Variants in USP33 observed in about 807,000 individuals in gnomAD.
USP33 encodes the protein ubiquitin carboxyl-terminal hydrolase 33.
A neutral mutation model predicts 124.2 loss-of-function variants in USP33; 46 were observed. That is an observed-to-expected ratio of 0.37 (90% CI 0.29 to 0.47). The LOEUF is 0.47. Among genes scored for constraint, USP33 ranks in the 20% least tolerant of loss-of-function variants. USP33 has a pLI of 0.99. For missense variants in USP33, 851 were observed against 1,070.6 expected (o/e 0.79, Z 2.86); for synonymous variants, 350 against 352.3 (o/e 0.99, Z 0.07).
intron 21 of USP33, among the ~76,000 whole-genome samples, chr1:77,705,217 C>T (rs1251204439): frequency 6.7e-6 from 1 of 148,356 alleles, no homozygotes; most frequent in African/African-American, 2.5e-5. Context: ...TTTTTTGAGA[C>T]AGAATCTCAC....
intron 19 of USP33, among the ~76,000 whole-genome samples, chr1:77,713,904 T>C (rs1219164377): frequency 6.6e-6 from 1 of 152,232 alleles, no homozygotes; most frequent in African/African-American, 2.4e-5. Flanking sequence ...TAAAGCATTT[T>C]TGGTGATTGT....
At chr1:77,758,435 G>A (rs1397070187) in intron 1 of USP33, among the ~76,000 whole-genome samples, 2 of 151,988 alleles carry the variant, frequency 1.3e-5, no homozygotes, top group African/African-American at 4.8e-5. Context: ...CGGCCTCCCA[G>A]AGTGCTGGGA....
At chr1:77,743,815 T>C (rs368477469) in intron 1 of USP33, among the ~76,000 whole-genome samples, 3 of 152,102 alleles carry the variant, frequency 2.0e-5, no homozygotes, top group South Asian at 2.1e-4. Context: ...AATCTAAAGG[T>C]TACTTTGGTT....
chr1:77,741,825 T>C (rs1242740936), intron 1 of USP33, 77 bp from the exon 2 acceptor site: 5 of 1,299,388 alleles, frequency 3.8e-6, no homozygotes, highest in Non-Finnish European at 5.2e-6. Context: ...AATAAAAAAA[T>C]TAAAATGTTA....
In USP33 at chr1:77,728,559, C is replaced by T. The variant is rs1335107766; in HGVS notation, c.871G>A (p.Glu291Lys). The change falls in exon 10 of 24, where the codon GAA becomes AAA. Residue 291 changes from glutamate (E) to lysine (K), a missense_variant. Physicochemically the swap from Glu to Lys is moderately conservative, Grantham distance 56. Transcript: ENST00000370794. ...SQSDVDFQSC[E>K]SCSNSDRAEN... ...GCTCTATCACTGTTGCTACAAGATT[C>T]ACAAGACTGAAAATCTACATCCGAC... 1.2e-6 allele frequency: 2 copies of T among 1,614,138 alleles called. No homozygotes were observed. The highest frequency in any genetic ancestry group is 1.7e-6 in the Non-Finnish European group (2 of 1,180,028).
intron 1 of USP33, among the ~76,000 whole-genome samples, chr1:77,743,856 C>T (rs916711493): frequency 6.6e-6 from 1 of 152,102 alleles, no homozygotes; most frequent in East Asian, 1.9e-4. Flanking sequence ...AAGGGCTGGG[C>T]GCAGTGGCTC....
chr1:77,736,184 C>A (rs746622974), intron 5 of USP33, 26 bp from the exon 6 acceptor site: 26 of 1,493,532 alleles, frequency 1.7e-5, no homozygotes, highest in African/African-American at 2.8e-5. Flanking sequence ...AGATAGCACA[C>A]TTGAACAAAT....
intron 1 of USP33, among the ~76,000 whole-genome samples, chr1:77,743,315 T>A (rs562343741): frequency 8.5e-5 from 13 of 152,284 alleles, no homozygotes; most frequent in Admixed American, 5.2e-4. Context: ...ACATTTTTTT[T>A]ATTATACTTT....
At chr1:77,736,454 C>A (rs931807081) in intron 5 of USP33, among the ~76,000 whole-genome samples, 4 of 152,114 alleles carry the variant, frequency 2.6e-5, no homozygotes, top group African/African-American at 7.2e-5. Context: ...AATTATGTGA[C>A]AGTAAACCAT....
At chr1:77,724,615 C>T (rs1676952084) in intron 11 of USP33, among the ~76,000 whole-genome samples, 2 of 152,176 alleles carry the variant, frequency 1.3e-5, no homozygotes, top group African/African-American at 4.8e-5. Flanking sequence ...AGTAACCCCA[C>T]TTCTAGGTAT....
In USP33 at chr1:77,697,783, C is replaced by G. The variant is rs1208898271; in HGVS notation, c.2578+80G>C. ...CATTCTTCAGTTGAATAAAAAAGTA[C>G]TATAGATGACTAATGATAACATATT... On this transcript the variant is annotated intron_variant, in intron 23 of 23. Transcript: ENST00000370794. 4 of 1,337,638 alleles carry G rather than the reference C, an allele frequency of 3.0e-6. No individual in the cohort carries two copies. The African/African-American group carries it at 5.9e-5, about 20-fold the overall frequency. 82.9% of individuals were successfully genotyped at this position (1,337,638 alleles called of 1,614,324 possible).
rs758146494 is a variant in USP33 at position 77,721,862 on chromosome 1, A to C, written c.1626T>G (p.Leu542=). 3.0e-5 allele frequency: 49 copies of C among 1,609,892 alleles called. No homozygotes were observed. ...GTTCATCTCTGGCAAAGAAGGCAGC[A>C]AGACAATCTTGCAAGGTTACTACTG... is the stretch of plus-strand genomic sequence containing the variant. ...WGPVVTLQDC[L]AAFFARDELK... The change falls in exon 14 of 24, where the codon CTT becomes CTG. Residue 542 remains leucine (L), a synonymous_variant. Coordinates refer to ENST00000370794, the MANE Select transcript of USP33 (RefSeq NM_201624.3).
rs769759599 is a variant in USP33 at position 77,722,233 on chromosome 1, T to C, written c.1390-37A>G. On this transcript the variant is annotated intron_variant, in intron 12 of 23. Transcript: ENST00000370794. ...TTGTGTTTTAAAAATGGGATGAACA[T>C]AATGCAGTAAAACATTTCCAAGGTT... 38 of 1,543,856 alleles carry C rather than the reference T, an allele frequency of 2.5e-5. No homozygotes were observed. In the Middle Eastern group the frequency reaches 5.2e-4, roughly 21 times the overall value.
At chr1:77,718,247 A>G (rs1676147500) in intron 16 of USP33, among the ~76,000 whole-genome samples, 200 bp from the exon 17 acceptor site, 1 of 152,198 alleles carries the variant, frequency 6.6e-6, no homozygotes, top group East Asian at 1.9e-4. Context: ...CTGAAGTGTC[A>G]AGGTTAAGTA....
intron 1 of USP33, among the ~76,000 whole-genome samples, chr1:77,744,601 C>T (rs142224933): frequency 7.4e-4 from 112 of 152,196 alleles, no homozygotes; most frequent in Admixed American, 1.4e-3. Flanking sequence ...CCCAGCACTT[C>T]GGGAGGCCAA....
At chr1:77,715,221 T>G (rs888016870) in intron 18 of USP33, among the ~76,000 whole-genome samples, 1 of 152,214 alleles carries the variant, frequency 6.6e-6, no homozygotes, top group Non-Finnish European at 1.5e-5. Flanking sequence ...TTTTCTTTTT[T>G]TTTCAGATGG....
chr1:77,714,241 G>A (rs988870130), intron 19 of USP33, among the ~76,000 whole-genome samples: 2 of 152,144 alleles, frequency 1.3e-5, no homozygotes, highest in Admixed American at 6.5e-5. Flanking sequence ...ACCAGCACAG[G>A]AATGCCTCAG....
At chr1:77,745,598 C>T (rs1225513760) in intron 1 of USP33, 1 of 152,074 alleles carries the variant, frequency 6.6e-6, no homozygotes, top group Non-Finnish European at 1.5e-5. Context: ...CCTTCAGGAG[C>T]TCTTGTAAAC....
chr1:77,754,267 C>A (rs1276376466), intron 1 of USP33, among the ~76,000 whole-genome samples: 1 of 152,106 alleles, frequency 6.6e-6, no homozygotes, highest in Non-Finnish European at 1.5e-5. Flanking sequence ...TATGGTTCCA[C>A]GAGTACTAGT....
Sources: gnomAD v4.1 joint callset for allele counts (sites outside exome capture counted in the v4.1 genomes callset) on GRCh38, gnomAD v4.1.1 for gene constraint, MANE v1.5 for transcripts, NCBI Gene and HGNC (gene_info 2026-07-23, HGNC 2026-07-21) for gene names.